The following TDRD9 variants were observed in gnomAD, a reference collection of about 807,000 sequenced individuals.
The protein encoded by TDRD9 is ATP-dependent RNA helicase TDRD9.
A neutral mutation model predicts 172.6 loss-of-function variants in TDRD9; 124 were observed. The ratio of observed to expected loss-of-function variants is 0.72; its 90% CI spans 0.62 to 0.83. TDRD9 has a LOEUF of 0.83. Ranked by LOEUF, TDRD9 falls within the 40% of genes least tolerant of loss-of-function variation. The pLI is 0.00. For missense variants in TDRD9, 1,479 were observed against 1,714.1 expected (o/e 0.86, Z 2.42); for synonymous variants, 619 against 617.1 (o/e 1.00, Z -0.05).
chr14:103,968,480 C>T (rs1304899450), intron 5 of TDRD9, among the ~76,000 whole-genome samples: 1 of 152,036 alleles, frequency 6.6e-6, no homozygotes, highest in Non-Finnish European at 1.5e-5. Flanking sequence ...TTAAACTTTC[C>T]AGCTCTTAAG....
chr14:104,004,267 T>A lies in TDRD9; in HGVS notation c.1513T>A (p.Cys505Ser). 3 of 1,603,448 alleles carry A rather than the reference T, an allele frequency of 1.9e-6. No homozygotes were observed. The highest frequency in any genetic ancestry group is 2.6e-6 in the Non-Finnish European group (3 of 1,172,530). ...GRAGRVSRGY[C>S]YRLVHKDFWD... ...TGCTGGACGAGTGTCTAGAGGGTAC[T>A]GTTACCGGCTGGTACACAAGGATTT... is the stretch of plus-strand genomic sequence containing the variant. The change falls in exon 14 of 36, where the codon TGT (cysteine) becomes AGT (serine). Residue 505 changes from cysteine (C) to serine (S), a missense_variant. Around this residue, in one of 3 missense-constraint regions of TDRD9, gnomAD observed 1,413 missense variants for 1,649.1 expected, o/e 0.86. Coordinates refer to ENST00000409874, the MANE Select transcript of TDRD9 (RefSeq NM_153046.3).
intron 2 of TDRD9, among the ~76,000 whole-genome samples, chr14:103,959,939 C>T (rs77106665): frequency 0.018 from 2,722 of 152,298 alleles, 37 homozygotes; most frequent in South Asian, 0.042. Flanking sequence ...TAGTTAAATT[C>T]CACAGTGCTG....
In TDRD9 at chr14:104,034,027, C is replaced by T. The variant is rs866268845; in HGVS notation, c.3577C>T (p.Gln1193Ter). The change falls in exon 31 of 36, where the codon CAG (glutamine) becomes TAG (stop). Residue 1193 changes from glutamine (Q) to a stop codon, truncating the protein, a stop_gained. Transcript: ENST00000409874. LOFTEE classifies it high-confidence loss of function. ...CAGTGACGCCCCTGAAGACCTTCACCAGAGAATGCTGGTTGCAGCTTCCCT... is the reference window on the plus strand; with the variant it reads ...CAGTGACGCCCCTGAAGACCTTCACTAGAGAATGCTGGTTGCAGCTTCCCT... ...IISDAPEDLHQRMLVAASLSI... is the reference protein window; with the variant it reads ...IISDAPEDLH 6.4e-7 allele frequency: 1 copy of T among 1,551,558 alleles called. No individual in the cohort carries two copies. Among genetic ancestry groups the T allele is most frequent in the Non-Finnish European group, 8.7e-7 (1 of 1,146,750 alleles).
At chr14:104,036,761 A>G (rs2035461387) in intron 32 of TDRD9, among the ~76,000 whole-genome samples, 1 of 152,250 alleles carries the variant, frequency 6.6e-6, no homozygotes, top group Admixed American at 6.5e-5. Flanking sequence ...ATATAACAAT[A>G]CACAGTGCTT....
Position 103,980,104 on chromosome 14 carries a change from C to G in TDRD9, c.1011+4551C>G, listed in dbSNP as rs1246205271. On this transcript the variant is annotated intron_variant, in intron 7 of 35. Coordinates refer to ENST00000409874, the MANE Select transcript of TDRD9 (RefSeq NM_153046.3). The surrounding 1 kb of genome is among the most constrained non-coding windows in gnomAD (Gnocchi z 4.5). ...ATGTTGTCCAGGCTGATCTTGAACT[C>G]CTGTCTGTAGGGACCAGCCCCACAG... 6.6e-6 allele frequency among the ~76,000 whole-genome samples: 1 copy of G among 152,024 alleles called. No homozygotes were observed. The highest frequency in any genetic ancestry group is 1.9e-4 in the East Asian group (1 of 5,172).
chr14:103,932,802 A>G (rs2030487930), intron 1 of TDRD9, among the ~76,000 whole-genome samples: 1 of 152,100 alleles, frequency 6.6e-6, no homozygotes. Flanking sequence ...GGTCTGAGAG[A>G]GTGTTGTTAA....
At position 103,963,062 on chromosome 14, in the gene TDRD9, G is replaced by T; in HGVS notation, c.323-17G>T. The T allele has an allele frequency of 6.8e-7, 1 of 1,469,276 alleles. No individual in the cohort carries two copies. Among genetic ancestry groups the T allele is most frequent in the Non-Finnish European group, 9.2e-7 (1 of 1,085,152 alleles). 91.0% of individuals were successfully genotyped at this position (1,469,276 alleles called of 1,614,324 possible). ...ATAAGAAATGGCATTGTATTTGTTTGTTTTGCCTTAATCCAGGTCCAAGGC... is the reference window on the plus strand; with the variant it reads ...ATAAGAAATGGCATTGTATTTGTTTTTTTTGCCTTAATCCAGGTCCAAGGC... On this transcript the variant is annotated splice_polypyrimidine_tract_variant and intron_variant, in intron 2 of 35. Transcript: ENST00000409874.
intron 13 of TDRD9, 113 bp downstream of exon 13, chr14:103,998,841 G>A: frequency 1.7e-6 from 1 of 593,536 alleles, no homozygotes; most frequent in Non-Finnish European, 3.0e-6. Flanking sequence ...CGCCCAGGCT[G>A]GAAGGCAGTG....
chr14:103,974,785 A>G (rs113430396), intron 6 of TDRD9, among the ~76,000 whole-genome samples: 3,520 of 152,108 alleles, frequency 0.023, 79 homozygotes, highest in East Asian at 0.071. Flanking sequence ...GGACTACAAG[A>G]GGGCACCATC....
In TDRD9 at chr14:103,995,797, T is replaced by A; in HGVS notation, c.1368T>A (p.Asp456Glu). The A allele has an allele frequency of 2.5e-6, 4 of 1,608,924 alleles. No individual in the cohort carries two copies. Among genetic ancestry groups the A allele is most frequent in the Non-Finnish European group, 3.4e-6 (4 of 1,177,822 alleles). The change falls in exon 12 of 36, where the codon GAT (aspartate) becomes GAA (glutamate). Residue 456 changes from aspartate (D) to glutamate (E), a missense_variant. Asp to Glu is a conservative substitution (Grantham distance 45). Coordinates refer to ENST00000409874, the MANE Select transcript of TDRD9 (RefSeq NM_153046.3). ...NIAESSVTVPDVKYVIDFCLT... is the reference protein window; with the variant it reads ...NIAESSVTVPEVKYVIDFCLT... ...CAGAGAGTTCTGTCACAGTTCCAGA[T>A]GTCAAATATGGTAAGATACTTCTCC... is the stretch of plus-strand genomic sequence containing the variant.
Position 103,970,551 on chromosome 14 carries a change from G to C in TDRD9, c.776G>C (p.Arg259Pro). The C allele has an allele frequency of 6.4e-7, 1 of 1,551,548 alleles. No homozygotes were observed. The highest frequency in any genetic ancestry group is 8.7e-7 in the Non-Finnish European group (1 of 1,146,842). The change falls in exon 6 of 36, where the codon CGA becomes CCA. Residue 259 changes from arginine (R) to proline (P), a missense_variant. Coordinates refer to ENST00000409874, the MANE Select transcript of TDRD9 (RefSeq NM_153046.3). ...THIIIDEVHERTEEMDFLLLV... is the reference protein window; with the variant it reads ...THIIIDEVHEPTEEMDFLLLV... The stretch of plus-strand genomic sequence containing the variant: ...TTTTTTATTTTGTAGGTACACGAAC[G>C]AACAGAAGAAATGGATTTCCTGCTA...
chr14:103,955,800 A>G (rs1272363474), intron 2 of TDRD9, 30 bp downstream of exon 2: 1 of 1,507,230 alleles, frequency 6.6e-7, no homozygotes. Context: ...TATTTTAGAT[A>G]GGATGCATGA....
intron 8 of TDRD9, among the ~76,000 whole-genome samples, chr14:103,988,852 C>G (rs1258935409): frequency 6.6e-6 from 1 of 152,104 alleles, no homozygotes; most frequent in Non-Finnish European, 1.5e-5. Flanking sequence ...TGCCACCACA[C>G]CCTGCTGATT....
rs1566738502 is a variant in TDRD9, at chr14:103,956,149, T to TATATAA, written c.322+380_322+381insTATAAA. Among the ~76,000 whole-genome samples, 7 of 102,068 alleles carry TATATAA rather than the reference T, an allele frequency of 6.9e-5. No homozygotes were observed. The South Asian group carries it at 9.6e-4, about 14-fold the overall frequency. 67.0% of individuals were successfully genotyped at this position (102,068 alleles called of 152,430 possible). On this transcript the variant is annotated intron_variant, in intron 2 of 35. Transcript: ENST00000409874. ...ATATATATATATATATATATATATA[T>TATATAA]AATTATTAGGCCAGGCGCAGTGGCT...
chr14:103,977,410 A>G lies in TDRD9; in HGVS notation c.1011+1857A>G, dbSNP rs190908360. Among the ~76,000 whole-genome samples, 159 of 137,212 alleles carry G rather than the reference A, an allele frequency of 1.2e-3. 1 individual carries two copies. Among genetic ancestry groups the G allele is most frequent in the Middle Eastern group, 4.2e-3 (1 of 240 alleles). The allele number at this position is 137,212 out of a possible 152,430, so 90.0% of individuals were successfully genotyped here. ...CGGGAAGCTGAGGCAGGAGAATGGCATGAACCCGGGAGGCGGAGCTTGCAG... is the reference window on the plus strand; with the variant it reads ...CGGGAAGCTGAGGCAGGAGAATGGCGTGAACCCGGGAGGCGGAGCTTGCAG... On this transcript the variant is annotated intron_variant, in intron 7 of 35. Transcript: ENST00000409874.
At chr14:104,028,668 G>A (rs2035195681) in intron 28 of TDRD9, among the ~76,000 whole-genome samples, 1 of 152,076 alleles carries the variant, frequency 6.6e-6, no homozygotes, top group Admixed American at 6.5e-5. Context: ...CCTGTACTAT[G>A]CAGAAGGTTT....
intron 7 of TDRD9, among the ~76,000 whole-genome samples, chr14:103,981,429 C>T (rs2152179949): frequency 6.6e-6 from 1 of 152,302 alleles, no homozygotes; most frequent in East Asian, 1.9e-4. Flanking sequence ...ACCCAGGGCC[C>T]CCTTGCCTCA....
At chr14:103,984,689 G>A (rs768149581) in intron 7 of TDRD9, among the ~76,000 whole-genome samples, 3 of 152,164 alleles carry the variant, frequency 2.0e-5, no homozygotes, top group Non-Finnish European at 4.4e-5. Context: ...TGGGGTTCAG[G>A]CCTCCACACA....
In TDRD9 at chr14:103,987,117, A is replaced by AATATAT. The variant is rs374594027; in HGVS notation, c.1115+799_1115+804dup. ...GACAGAGCAAGACTCCATCTCAAAA[A>AATATAT]ATATATACACACACACACACACACA... On this transcript the variant is annotated intron_variant, in intron 8 of 35. Coordinates refer to ENST00000409874, the MANE Select transcript of TDRD9 (RefSeq NM_153046.3). Among the ~76,000 whole-genome samples, 115 of 134,836 alleles carry AATATAT rather than the reference A, an allele frequency of 8.5e-4. 1 individual carries two copies. Among genetic ancestry groups the AATATAT allele is most frequent in the Middle Eastern group, 3.9e-3 (1 of 258 alleles). 88.5% of individuals were successfully genotyped at this position (134,836 alleles called of 152,430 possible).
Sources: gnomAD v4.1 joint callset for allele counts (sites outside exome capture counted in the v4.1 genomes callset) on GRCh38, gnomAD v4.1.1 for gene constraint, gnomAD v4.1.1 regional missense constraint, Gnocchi (gnomAD v3.1) non-coding constraint, MANE v1.5 for transcripts, NCBI Gene and HGNC (gene_info 2026-07-23, HGNC 2026-07-21) for gene names.